Variants in SENP7 observed in about 807,000 individuals in gnomAD.
The protein encoded by SENP7 is SUMO specific peptidase 7, also known as sentrin-specific protease 7.
SENP7 carries 64 observed loss-of-function variants against 141.2 expected under a neutral mutation model. The ratio of observed to expected loss-of-function variants is 0.45; its 90% CI spans 0.37 to 0.56. The LOEUF is 0.56. SENP7 is among the 20% of genes least tolerant of loss of function. The pLI is 0.00. For synonymous variants in SENP7, 382 were observed against 426.4 expected, an observed-to-expected ratio of 0.90 and a Z score of 1.28; for missense variants, 1,025 against 1,212.2, an observed-to-expected ratio of 0.85 and a Z score of 2.29.
At chr3:101,371,106 A>G (rs897100701) in intron 7 of SENP7, among the ~76,000 whole-genome samples, 4 of 152,124 alleles carry the variant, frequency 2.6e-5, no homozygotes, top group African/African-American at 7.2e-5. Flanking sequence ...CCTGGGCAAC[A>G]CGGCAAGACC....
At chr3:101,434,285 T>C (rs1043463159) in intron 4 of SENP7, among the ~76,000 whole-genome samples, 9 of 151,724 alleles carry the variant, frequency 5.9e-5, no homozygotes, top group African/African-American at 1.7e-4. Context: ...GAAAAAGTAA[T>C]ATTCAGAGGA....
chr3:101,422,458 T>C lies in SENP7; in HGVS notation c.285-4668A>G, dbSNP rs1055057760. Among the ~76,000 whole-genome samples, 6 of 152,222 alleles carry C rather than the reference T, an allele frequency of 3.9e-5. 1 individual carries two copies. The highest frequency in any genetic ancestry group is 8.8e-5 in the Non-Finnish European group (6 of 68,036). ...TTAATGAATAATTCATTGAACTGTT[T>C]ACCTTTTAGTCATTTTTTGTTAATT... On this transcript the variant is annotated intron_variant, in intron 4 of 23. Transcript: ENST00000394095.
At position 101,402,399 on chromosome 3, in the gene SENP7, G is replaced by A. The variant is rs948697970; in HGVS notation, c.483-3344C>T. The stretch of plus-strand genomic sequence containing the variant: ...AGCACTTTGGGCGGCAGAGGCCGGC[G>A]GATAACTTGAGGTCAGGAGTTCGAG... On this transcript the variant is annotated intron_variant, in intron 5 of 23. Coordinates refer to ENST00000394095, the MANE Select transcript of SENP7 (RefSeq NM_020654.5). Among the ~76,000 whole-genome samples, 6 of 152,072 alleles carry A rather than the reference G, an allele frequency of 3.9e-5. No homozygotes were observed. The East Asian group carries it at 5.8e-4, about 15-fold the overall frequency.
chr3:101,414,305 G>T (rs1388568565), intron 5 of SENP7: 5 of 740,126 alleles, frequency 6.8e-6, no homozygotes, highest in African/African-American at 1.7e-5. Flanking sequence ...AAGATGCAGG[G>T]TCTCATGTTC....
chr3:101,437,793 G>A (rs573936985), intron 4 of SENP7, among the ~76,000 whole-genome samples: 31 of 152,018 alleles, frequency 2.0e-4, no homozygotes, highest in Non-Finnish European at 2.4e-4. Context: ...TTGTGTAGCC[G>A]TTTCTCCAAA....
intron 5 of SENP7, among the ~76,000 whole-genome samples, chr3:101,405,918 G>C (rs1576245682): frequency 6.6e-6 from 1 of 152,088 alleles, no homozygotes; most frequent in Non-Finnish European, 1.5e-5. Flanking sequence ...AAGCCTCCAA[G>C]AAGTCTGGGA....
intron 4 of SENP7, among the ~76,000 whole-genome samples, chr3:101,433,958 T>G (rs2062284440): frequency 7.6e-6 from 1 of 132,364 alleles, no homozygotes; most frequent in South Asian, 2.5e-4. Context: ...TTATAGGCCA[T>G]TTCATCCAAC....
intron 4 of SENP7, among the ~76,000 whole-genome samples, chr3:101,454,488 G>C (rs564884758): frequency 1.3e-5 from 2 of 152,038 alleles, no homozygotes; most frequent in South Asian, 4.1e-4. Context: ...TCCAGCCTGG[G>C]CAACAAAGTG....
intron 4 of SENP7, among the ~76,000 whole-genome samples, chr3:101,447,886 A>G (rs1241134131): frequency 1.3e-5 from 2 of 152,244 alleles, no homozygotes; most frequent in Admixed American, 1.3e-4. Context: ...GGACAGACAT[A>G]CAGATCAACA....
intron 1 of SENP7, among the ~76,000 whole-genome samples, chr3:101,501,458 T>C (rs1464533713): frequency 6.6e-6 from 1 of 152,090 alleles, no homozygotes; most frequent in Non-Finnish European, 1.5e-5. Flanking sequence ...TAGAACCATT[T>C]GATCAGACAA....
intron 6 of SENP7, among the ~76,000 whole-genome samples, chr3:101,397,434 T>C (rs1391150763): frequency 6.6e-6 from 1 of 152,230 alleles, no homozygotes; most frequent in Admixed American, 6.5e-5. Context: ...GATAGATACA[T>C]AGGCATGAGC....
intron 5 of SENP7, among the ~76,000 whole-genome samples, chr3:101,409,641 G>A (rs923979412): frequency 1.3e-5 from 2 of 152,110 alleles, no homozygotes; most frequent in African/African-American, 4.8e-5. Flanking sequence ...AATACTTACA[G>A]CCAAGTGGAT....
At chr3:101,411,363 T>C (rs1380349788) in intron 5 of SENP7, among the ~76,000 whole-genome samples, 1 of 152,208 alleles carries the variant, frequency 6.6e-6, no homozygotes, top group Admixed American at 6.5e-5. Flanking sequence ...AAAATCTTAT[T>C]AGATGTTTGC....
At chr3:101,404,345 G>A (rs2061237241) in intron 5 of SENP7, among the ~76,000 whole-genome samples, 1 of 152,064 alleles carries the variant, frequency 6.6e-6, no homozygotes. Flanking sequence ...AATAAATGAT[G>A]CTGGGAAAAG....
chr3:101,489,682 C>G (rs2064881874), intron 3 of SENP7, among the ~76,000 whole-genome samples: 1 of 152,182 alleles, frequency 6.6e-6, no homozygotes, highest in Non-Finnish European at 1.5e-5. Flanking sequence ...TACAAAAAGA[C>G]TTAGTTAGGC....
At chr3:101,497,801 A>G (rs2065219141) in intron 2 of SENP7, among the ~76,000 whole-genome samples, 3 of 152,270 alleles carry the variant, frequency 2.0e-5, no homozygotes, top group East Asian at 1.9e-4. Flanking sequence ...TCTGCCTTAC[A>G]TAAGAATTTT....
At position 101,457,414 on chromosome 3, in the gene SENP7, T is replaced by G. The variant is rs925095084; in HGVS notation, c.284+1541A>C. On this transcript the variant is annotated intron_variant, in intron 4 of 23. Coordinates refer to ENST00000394095, the MANE Select transcript of SENP7 (RefSeq NM_020654.5). The stretch of plus-strand genomic sequence containing the variant: ...CTGTCTACACCAAGCTGGTTTAAGA[T>G]GTTGGGTAGCATTTCTGTCAGCTGC... The G allele has an allele frequency of 1.9e-6, 3 of 1,538,880 alleles. No individual in the cohort carries two copies. The African/African-American group carries it at 4.1e-5, about 21-fold the overall frequency.
intron 4 of SENP7, among the ~76,000 whole-genome samples, chr3:101,452,244 G>A (rs1008687360): frequency 3.9e-5 from 6 of 152,170 alleles, no homozygotes; most frequent in Non-Finnish European, 8.8e-5. Context: ...AACATTCCAT[G>A]CTCATGGGTA....
chr3:101,468,357 A>C (rs571025262), intron 3 of SENP7, among the ~76,000 whole-genome samples: 1 of 152,210 alleles, frequency 6.6e-6, no homozygotes, highest in Non-Finnish European at 1.5e-5. Flanking sequence ...AATACAGAGA[A>C]CACCACAAAG....
Sources: gnomAD v4.1 joint callset for allele counts (sites outside exome capture counted in the v4.1 genomes callset) on GRCh38, gnomAD v4.1.1 for gene constraint, MANE v1.5 for transcripts, NCBI Gene and HGNC (gene_info 2026-07-23, HGNC 2026-07-21) for gene names.